Variants in ABTB3 observed in about 807,000 individuals in gnomAD.
The protein encoded by ABTB3 is ankyrin repeat and BTB domain containing 3.
At chr12:107,578,063 C>T in the ABTB3 span, among the ~76,000 whole-genome samples, 1 of 152,190 alleles carries the variant, frequency 6.6e-6, no homozygotes, top group Non-Finnish European at 1.5e-5. Context: ...TCTCCACCCT[C>T]TCCTTGACTC....
the ABTB3 span, among the ~76,000 whole-genome samples, chr12:107,353,257 TG>T: frequency 6.6e-6 from 1 of 151,970 alleles, no homozygotes; most frequent in Middle Eastern, 3.4e-3. Flanking sequence ...CCCAGCATGG[TG>T]GGGGGGAGAT....
At chr12:107,645,610 A>T in the ABTB3 span, among the ~76,000 whole-genome samples, 5 of 152,204 alleles carry the variant, frequency 3.3e-5, no homozygotes, top group African/African-American at 9.6e-5. Context: ...CATGAGCTGG[A>T]AGCTGGAAAA....
the ABTB3 span, among the ~76,000 whole-genome samples, chr12:107,377,388 T>TGAGA: frequency 4.3e-4 from 61 of 140,362 alleles, no homozygotes; most frequent in Non-Finnish European, 5.7e-4. Flanking sequence ...AACACTTCCT[T>TGAGA]GAGAGAGAGA....
At chr12:107,375,626 T>G in the ABTB3 span, among the ~76,000 whole-genome samples, 1 of 152,172 alleles carries the variant, frequency 6.6e-6, no homozygotes, top group Non-Finnish European at 1.5e-5. Flanking sequence ...GCGCGAAGTT[T>G]CTGGGCTCAG....
chr12:107,486,566 C>G, the ABTB3 span: 4 of 151,964 alleles, frequency 2.6e-5, no homozygotes, highest in African/African-American at 4.8e-5. Context: ...AAGTATTAAT[C>G]AGGCCCAGCC....
chr12:107,511,478 G>A, the ABTB3 span, among the ~76,000 whole-genome samples: 1 of 151,956 alleles, frequency 6.6e-6, no homozygotes. Flanking sequence ...ATTTTTAGGA[G>A]TTGGCTGACT....
the ABTB3 span, among the ~76,000 whole-genome samples, chr12:107,473,699 A>G: frequency 4.0e-5 from 6 of 151,374 alleles, no homozygotes; most frequent in East Asian, 1.2e-3. Flanking sequence ...TGCTCGACAT[A>G]TTTGTTTGAT....
the ABTB3 span, among the ~76,000 whole-genome samples, chr12:107,654,686 C>T: frequency 1.3e-5 from 2 of 152,106 alleles, no homozygotes; most frequent in South Asian, 2.1e-4. Flanking sequence ...CACTCCAAAG[C>T]ACAGGTTCTT....
the ABTB3 span, among the ~76,000 whole-genome samples, chr12:107,487,234 T>C: frequency 6.6e-6 from 1 of 152,178 alleles, no homozygotes; most frequent in Non-Finnish European, 1.5e-5. Context: ...CATTGGGTCC[T>C]CAGTGCCTAG....
chr12:107,655,274 T>TATATATATATATATAC, the ABTB3 span, among the ~76,000 whole-genome samples: 4 of 151,134 alleles, frequency 2.6e-5, no homozygotes, highest in Admixed American at 1.3e-4. Context: ...TATATATATA[T>TATATATATATATATAC]ACACCTACAA....
At chr12:107,536,021 A>G in the ABTB3 span, among the ~76,000 whole-genome samples, 6 of 152,224 alleles carry the variant, frequency 3.9e-5, no homozygotes, top group African/African-American at 1.4e-4. Flanking sequence ...CCAAAACAGC[A>G]TGGTATTGGT....
At chr12:107,543,916 A>G in the ABTB3 span, 35 of 1,600,076 alleles carry the variant, frequency 2.2e-5, no homozygotes, top group Non-Finnish European at 2.6e-6. Flanking sequence ...AGGATCTGAA[A>G]TCTTCCTTCT....
chr12:107,510,633 G>A, the ABTB3 span, among the ~76,000 whole-genome samples: 1 of 152,156 alleles, frequency 6.6e-6, no homozygotes, highest in South Asian at 2.1e-4. Flanking sequence ...TTTCTCTGAT[G>A]GCTCGGCACA....
At chr12:107,617,421 C>T in the ABTB3 span, 1 of 1,614,118 alleles carries the variant, frequency 6.2e-7, no homozygotes, top group Non-Finnish European at 8.5e-7. Context: ...AGCCAGGCTG[C>T]AGCCCACGGA....
At chr12:107,524,955 C>T in the ABTB3 span, among the ~76,000 whole-genome samples, 1 of 152,140 alleles carries the variant, frequency 6.6e-6, no homozygotes, top group Non-Finnish European at 1.5e-5. Flanking sequence ...GTTACCAATA[C>T]CTCCCCAAAT....
At chr12:107,476,564 A>G in the ABTB3 span, among the ~76,000 whole-genome samples, 1 of 152,180 alleles carries the variant, frequency 6.6e-6, no homozygotes, top group South Asian at 2.1e-4. Context: ...TATAGCCATA[A>G]TATCATTTCT....
the ABTB3 span, among the ~76,000 whole-genome samples, chr12:107,345,954 G>T: frequency 1.3e-5 from 2 of 152,172 alleles, no homozygotes; most frequent in African/African-American, 4.8e-5. Context: ...CTTCATAATG[G>T]TCTCATGAGG....
At chr12:107,601,386 A>C in the ABTB3 span, among the ~76,000 whole-genome samples, 1 of 152,378 alleles carries the variant, frequency 6.6e-6, no homozygotes, top group Non-Finnish European at 1.5e-5. Context: ...GATCCATTGA[A>C]GTGGTGAAAA....
chr12:107,592,681 C>T, the ABTB3 span, among the ~76,000 whole-genome samples: 1 of 152,194 alleles, frequency 6.6e-6, no homozygotes, highest in Non-Finnish European at 1.5e-5. Context: ...ACATGTAAAA[C>T]ATCCTGTGTA....
Sources: gnomAD v4.1 joint callset for allele counts (sites outside exome capture counted in the v4.1 genomes callset) on GRCh38, gnomAD v4.1.1 for gene constraint, MANE v1.5 for transcripts, NCBI Gene and HGNC (gene_info 2026-07-23, HGNC 2026-07-21) for gene names.